PHLPP1: variants seen among roughly 807,000 people sequenced by gnomAD.
PHLPP1 encodes PH domain and leucine rich repeat protein phosphatase 1.
A neutral mutation model predicts 117.2 loss-of-function variants in PHLPP1; 42 were observed. The observed-to-expected ratio is 0.36, with a 90% confidence interval of 0.28 to 0.46. The LOEUF (loss-of-function observed/expected upper bound fraction) is 0.46, where lower values mean the gene tolerates loss of function less well. Among genes scored for constraint, PHLPP1 ranks in the 20% least tolerant of loss-of-function variants. The probability of loss-of-function intolerance (pLI) is 1.00; values close to 1 mark genes in which losing one functional copy is unlikely to be tolerated. For missense variants in PHLPP1, 2,084 were observed against 2,241.9 expected (o/e 0.93, Z 1.42); for synonymous variants, 1,042 against 970.7 (o/e 1.07, Z -1.37).
intron 10 of PHLPP1, among the ~76,000 whole-genome samples, chr18:62,933,843 A>G (rs1331006111): frequency 6.6e-6 from 1 of 152,204 alleles, no homozygotes; most frequent in Non-Finnish European, 1.5e-5. Flanking sequence ...TTTGCAAACT[A>G]TGCAACTGGC....
chr18:62,885,045 C>G (rs1916252359), intron 4 of PHLPP1, among the ~76,000 whole-genome samples: 1 of 152,118 alleles, frequency 6.6e-6, no homozygotes, highest in South Asian at 2.1e-4. Context: ...TATAGCCATT[C>G]CCTGTAACTC....
In PHLPP1 at chr18:62,856,914, A is replaced by G. The variant is rs1483133945; in HGVS notation, c.1900-3521A>G. On this transcript the variant is annotated intron_variant, in intron 3 of 16. Transcript: ENST00000262719. ...ATCCACCACCTTCCCAGCAGTCTTGACCCCCTTTCTCAAGCTGTTTTTTTT... is the reference window on the plus strand; with the variant it reads ...ATCCACCACCTTCCCAGCAGTCTTGGCCCCCTTTCTCAAGCTGTTTTTTTT... 2.0e-5 allele frequency among the ~76,000 whole-genome samples: 3 copies of G among 149,022 alleles called. No individual in the cohort carries two copies. In the Admixed American group the frequency reaches 2.0e-4, roughly 10 times the overall value.
Position 62,974,270 on chromosome 18 carries a change from C to T in PHLPP1, c.3756-1127C>T, listed in dbSNP as rs114385503. Among the ~76,000 whole-genome samples, 486 of 152,254 alleles carry T rather than the reference C, an allele frequency of 3.2e-3. 2 individuals are homozygous for T. The highest frequency in any genetic ancestry group is 0.011 in the African/African-American group (460 of 41,530). On this transcript the variant is annotated intron_variant, in intron 15 of 16. Transcript: ENST00000262719. ...AGGAACCTAAACTATAGGCCCTTCT[C>T]CAGGGTCTTTTGTATGTCTCTTATT... is the stretch of plus-strand genomic sequence containing the variant.
chr18:62,874,057 G>A lies in PHLPP1; in HGVS notation c.2066+13456G>A, dbSNP rs543681264. Among the ~76,000 whole-genome samples, 3 of 151,526 alleles carry A rather than the reference G, an allele frequency of 2.0e-5. No homozygotes were observed. In the South Asian group the frequency reaches 6.3e-4, roughly 32 times the overall value. On this transcript the variant is annotated intron_variant, in intron 4 of 16. Transcript: ENST00000262719. ...AATTAGCTGGGCCGTGGTGGTGCAT[G>A]CCTGTAATCCCAGCTACTCGTGAGG... is the stretch of plus-strand genomic sequence containing the variant.
At chr18:62,849,539 TA>T (rs1293949046) in intron 3 of PHLPP1, among the ~76,000 whole-genome samples, 1 of 149,480 alleles carries the variant, frequency 6.7e-6, no homozygotes, top group African/African-American at 2.5e-5. Flanking sequence ...CACATGCCTG[TA>T]ATTCCAGCTA....
intron 1 of PHLPP1, among the ~76,000 whole-genome samples, chr18:62,754,555 C>T (rs1472041767): frequency 1.3e-5 from 2 of 152,186 alleles, no homozygotes; most frequent in African/African-American, 4.8e-5. Flanking sequence ...TGGGGAGCAT[C>T]ATGGAAAGGA....
At chr18:62,916,605 G>GTGTGTGTGT (rs1909283535) in intron 9 of PHLPP1, among the ~76,000 whole-genome samples, 4 of 145,846 alleles carry the variant, frequency 2.7e-5, no homozygotes, top group African/African-American at 1.0e-4. Flanking sequence ...CAAGAGGGTG[G>GTGTGTGTGT]GTGTGTGTGT....
At chr18:62,908,984 A>G (rs1916915336) in intron 8 of PHLPP1, among the ~76,000 whole-genome samples, 1 of 30,374 alleles carries the variant, frequency 3.3e-5, no homozygotes, top group African/African-American at 1.3e-4. Context: ...AGAACTCAGG[A>G]TTAAGAATCT....
intron 4 of PHLPP1, among the ~76,000 whole-genome samples, chr18:62,880,624 G>C (rs1916153531): frequency 6.7e-6 from 1 of 150,302 alleles, no homozygotes; most frequent in Non-Finnish European, 1.5e-5. Context: ...ATATGTTGGT[G>C]AGAAAATGAA....
intron 10 of PHLPP1, among the ~76,000 whole-genome samples, chr18:62,928,186 A>G (rs1229114775): frequency 6.6e-6 from 1 of 152,196 alleles, no homozygotes; most frequent in Non-Finnish European, 1.5e-5. Context: ...CAACAACTAA[A>G]AAAATAGATA....
intron 6 of PHLPP1, among the ~76,000 whole-genome samples, chr18:62,902,096 T>C (rs1916738714): frequency 6.6e-6 from 1 of 152,206 alleles, no homozygotes. Context: ...AATATGTCTT[T>C]GTTATTTTGG....
intron 10 of PHLPP1, among the ~76,000 whole-genome samples, chr18:62,926,704 T>A (rs1054198862): frequency 1.3e-5 from 2 of 152,178 alleles, no homozygotes; most frequent in African/African-American, 4.8e-5. Context: ...AGTTGAGAAT[T>A]CTGCACTAAG....
At chr18:62,749,499 G>T (rs1368762975) in intron 1 of PHLPP1, among the ~76,000 whole-genome samples, 1 of 152,036 alleles carries the variant, frequency 6.6e-6, no homozygotes, top group Admixed American at 6.6e-5. Flanking sequence ...TTCTGCTCAG[G>T]TTGTGATAGC....
rs149420709 is a variant in PHLPP1, at chr18:62,774,806, A to C, written c.1577-55229A>C. ...TGTGTACAAACAAAACTAATATTTC[A>C]GCTCAAATGAATAGCACATGAAATG... On this transcript the variant is annotated intron_variant, in intron 1 of 16. Transcript: ENST00000262719. 7.2e-5 allele frequency among the ~76,000 whole-genome samples: 11 copies of C among 152,254 alleles called. No homozygotes were observed. In the East Asian group the frequency reaches 1.9e-3, roughly 27 times the overall value.
chr18:62,846,209 CAAAAAAAAAA>C (rs34577472), intron 3 of PHLPP1, among the ~76,000 whole-genome samples: 1 of 78,678 alleles, frequency 1.3e-5, no homozygotes, highest in East Asian at 3.9e-4. Context: ...AACTCCATCT[CAAAAAAAAAA>C]AAAAAAAAAA....
At chr18:62,782,221 A>G (rs753657594) in intron 1 of PHLPP1, among the ~76,000 whole-genome samples, 1 of 152,248 alleles carries the variant, frequency 6.6e-6, no homozygotes, top group Non-Finnish European at 1.5e-5. Context: ...GCCAAGAGGC[A>G]TGAGTCTGCC....
In PHLPP1 at chr18:62,857,046, T is replaced by C. The variant is rs1339662467; in HGVS notation, c.1900-3389T>C. Among the ~76,000 whole-genome samples the C allele has an allele frequency of 2.0e-5, 3 of 152,166 alleles. No individual in the cohort carries two copies. In the South Asian group the frequency reaches 6.2e-4, roughly 32 times the overall value. ...TTGTTTTCTGAAGTATATTAAGGGC[T>C]CACCTAGAACGGTAATTGGCACCTC... On this transcript the variant is annotated intron_variant, in intron 3 of 16. Transcript: ENST00000262719.
At chr18:62,768,204 G>C (rs1310682302) in intron 1 of PHLPP1, among the ~76,000 whole-genome samples, 2 of 152,100 alleles carry the variant, frequency 1.3e-5, no homozygotes, top group Admixed American at 6.5e-5. Context: ...CCACAGCTTG[G>C]ATGAAAAATT....
At chr18:62,863,427 T>C (rs1915684097) in intron 4 of PHLPP1, among the ~76,000 whole-genome samples, 1 of 152,190 alleles carries the variant, frequency 6.6e-6, no homozygotes. Context: ...GGTCTTGAAC[T>C]CTTGGACTCA....
Sources: allele counts gnomAD v4.1 joint callset (sites outside exome capture counted in the v4.1 genomes callset), GRCh38; gene constraint gnomAD v4.1.1; transcripts MANE v1.5; gene names NCBI Gene and HGNC (gene_info 2026-07-23, HGNC 2026-07-21).